Variants in CPN1 observed in about 807,000 individuals in gnomAD.
CPN1 encodes the protein carboxypeptidase N catalytic chain.
A neutral mutation model predicts 46.4 loss-of-function variants in CPN1; 37 were observed. The ratio of observed to expected loss-of-function variants is 0.80; its 90% CI spans 0.61 to 1.05. The LOEUF (loss-of-function observed/expected upper bound fraction) is 1.05, where lower values mean the gene tolerates loss of function less well. Among genes scored for constraint, CPN1 ranks in the 50% least tolerant of loss-of-function variants. CPN1 has a pLI of 0.00. For missense variants in CPN1, 563 were observed against 602.6 expected (o/e 0.93, Z 0.69); for synonymous variants, 224 against 235.4 (o/e 0.95, Z 0.44).
intron 2 of CPN1, among the ~76,000 whole-genome samples, chr10:100,074,708 C>T (rs942101737): frequency 5.3e-5 from 8 of 152,074 alleles, no homozygotes; most frequent in Non-Finnish European, 1.2e-4. Context: ...TGAGCCACCA[C>T]GCCCGGCCGA....
intron 6 of CPN1, 139 bp from the exon 7 acceptor site, chr10:100,054,585 CTT>C (rs2041374452): frequency 8.5e-6 from 6 of 705,872 alleles, no homozygotes; most frequent in Non-Finnish European, 1.5e-5. Context: ...TAACTGGTCT[CTT>C]TGCCTCTCTC....
At chr10:100,076,140 G>A in intron 1 of CPN1, 33 bp from the exon 2 acceptor site, 1 of 1,608,734 alleles carries the variant, frequency 6.2e-7, no homozygotes, top group Non-Finnish European at 8.5e-7. Context: ...GGGAAGCTTG[G>A]AAGTGTCATT....
Position 100,069,930 on chromosome 10 carries a change from T to A in CPN1, c.421-61A>T, listed in dbSNP as rs2041475151. On this transcript the variant is annotated intron_variant, in intron 2 of 8. Coordinates refer to ENST00000370418, the MANE Select transcript of CPN1 (RefSeq NM_001308.3). ...CAGATTGAATACTATATTTTCTAAC[T>A]TTTTTTTTTGGAGACAGGTTCTCAC... 7.1e-6 allele frequency: 9 copies of A among 1,275,192 alleles called. No homozygotes were observed. In the East Asian group the frequency reaches 2.2e-4, roughly 31 times the overall value. 79.0% of individuals were successfully genotyped at this position (1,275,192 alleles called of 1,614,324 possible).
At chr10:100,056,987 A>G (rs765295804) in intron 6 of CPN1, 26 bp downstream of exon 6, 24 of 1,613,934 alleles carry the variant, frequency 1.5e-5, no homozygotes, top group Non-Finnish European at 4.2e-6. Context: ...TTTTGCAAAC[A>G]TGAGAGTTAA....
At position 100,081,523 on chromosome 10, in the gene CPN1, G is replaced by T. The variant is rs746438789; in HGVS notation, c.103C>A (p.Leu35Met). Residue 35 changes from leucine to methionine, a missense_variant, in exon 1 of 9, where the codon CTG becomes ATG. Coordinates refer to ENST00000370418, the MANE Select transcript of CPN1 (RefSeq NM_001308.3). ...GGGCATTCGTTTTGCACCTTGTACA[G>T]CGTCCGCACAAGATCATCATAGCGG... ...HHRYDDLVRT[L>M]YKVQNECPGI... 6.2e-7 allele frequency: 1 copy of T among 1,614,092 alleles called. No homozygotes were observed. Among genetic ancestry groups the T allele is most frequent in the Non-Finnish European group, 8.5e-7 (1 of 1,180,058 alleles).
At chr10:100,049,987 G>A (rs2041340283) in intron 7 of CPN1, among the ~76,000 whole-genome samples, 1 of 152,184 alleles carries the variant, frequency 6.6e-6, no homozygotes, top group Non-Finnish European at 1.5e-5. Context: ...AAGAAATGAT[G>A]TCTATCTAAA....
At position 100,065,936 on chromosome 10, in the gene CPN1, A is replaced by T. The variant is rs1165899955; in HGVS notation, c.577-566T>A. 2.0e-5 allele frequency among the ~76,000 whole-genome samples: 3 copies of T among 151,220 alleles called. No individual in the cohort carries two copies. In the East Asian group the frequency reaches 5.8e-4, roughly 29 times the overall value. ...ATAAAGTCTGTTGAGAGAGAAAGGG[A>T]GAGAGAGAGAGAAGTTTTTTTTTTT... On this transcript the variant is annotated intron_variant, in intron 3 of 8. Coordinates refer to ENST00000370418, the MANE Select transcript of CPN1 (RefSeq NM_001308.3).
chr10:100,072,183 GTT>G (rs2041489633), intron 2 of CPN1, among the ~76,000 whole-genome samples: 1 of 152,006 alleles, frequency 6.6e-6, no homozygotes. Context: ...GTTTGTTTTT[GTT>G]TTTGTTTTGA....
Position 100,057,142 on chromosome 10 carries a change from G to C in CPN1, c.882C>G (p.Asp294Glu). The stretch of plus-strand genomic sequence containing the variant: ...AGCAGTTGGTATGGAGATAATTAAA[G>C]TCTTGCATTCCTAAGGGAAAGAGGG... The part of the protein sequence containing the change: ...SWYSLSKGMQ[D>E]FNYLHTNCFE... The change falls in exon 6 of 9, where the codon GAC becomes GAG. Residue 294 changes from aspartate to glutamate, a missense_variant. By Grantham distance (45) the Asp-to-Glu change is conservative. Transcript: ENST00000370418. The C allele has an allele frequency of 6.2e-7, 1 of 1,614,102 alleles. No homozygotes were observed. The highest frequency in any genetic ancestry group is 8.5e-7 in the Non-Finnish European group (1 of 1,180,000).
intron 8 of CPN1, among the ~76,000 whole-genome samples, chr10:100,048,266 G>C (rs973180000): frequency 6.6e-6 from 1 of 152,162 alleles, no homozygotes; most frequent in Non-Finnish European, 1.5e-5. Context: ...TTAGACAGAA[G>C]AGGAAAAGCC....
At chr10:100,072,468 A>C (rs993711331) in intron 2 of CPN1, among the ~76,000 whole-genome samples, 11 of 152,196 alleles carry the variant, frequency 7.2e-5, no homozygotes, top group Non-Finnish European at 1.5e-4. Context: ...CTACGGCCTT[A>C]TGTTTAACTT....
At chr10:100,052,979 A>G (rs2041364365) in intron 7 of CPN1, among the ~76,000 whole-genome samples, 1 of 152,182 alleles carries the variant, frequency 6.6e-6, no homozygotes, top group African/African-American at 2.4e-5. Flanking sequence ...GAATCTAGCA[A>G]GCCCTGAAGA....
Position 100,059,100 on chromosome 10 carries a change from G to A in CPN1, c.872-1948C>T, listed in dbSNP as rs118097950. Among the ~76,000 whole-genome samples, 19 of 151,990 alleles carry A rather than the reference G, an allele frequency of 1.3e-4. No homozygotes were observed. In the East Asian group the frequency reaches 3.5e-3, roughly 28 times the overall value. Reference sequence around the variant, plus strand: ...ATAAAACTCTTAGAAGAATATATAGGGCAAAAGCTTCATGACATTGGATTT... The same window carrying A: ...ATAAAACTCTTAGAAGAATATATAGAGCAAAAGCTTCATGACATTGGATTT... On this transcript the variant is annotated intron_variant, in intron 5 of 8. Coordinates refer to ENST00000370418, the MANE Select transcript of CPN1 (RefSeq NM_001308.3).
At position 100,055,354 on chromosome 10, in the gene CPN1, C is replaced by T. The variant is rs939204554; in HGVS notation, c.1012-908G>A. 1.6e-4 allele frequency among the ~76,000 whole-genome samples: 24 copies of T among 151,794 alleles called. No individual in the cohort carries two copies. The East Asian group carries it at 3.5e-3, about 22-fold the overall frequency. On this transcript the variant is annotated intron_variant, in intron 6 of 8. Transcript: ENST00000370418. ...TAAACAATGATTCTCCATTATCCCC[C>T]CCCCCAGCCCCTGGCAACCACCATT...
At chr10:100,065,164 G>A (rs1440230261) in intron 4 of CPN1, 24 bp downstream of exon 4, 2 of 1,603,486 alleles carry the variant, frequency 1.2e-6, no homozygotes, top group Non-Finnish European at 8.5e-7. Flanking sequence ...TTCCCCTGGC[G>A]GGACAAGCTG....
Position 100,068,022 on chromosome 10 carries a change from C to T in CPN1, c.576+1692G>A, listed in dbSNP as rs941852615. ...CAAAAATTGGCCAGGGGTGGTGGCA[C>T]GTGCCTGTAATCCCAGCTACTCAGG... On this transcript the variant is annotated intron_variant, in intron 3 of 8. Transcript: ENST00000370418. Among the ~76,000 whole-genome samples the T allele has an allele frequency of 3.3e-5, 5 of 151,442 alleles. No homozygotes were observed. The East Asian group carries it at 9.9e-4, about 30-fold the overall frequency.
At chr10:100,043,000 G>T (rs891085732) in intron 8 of CPN1, among the ~76,000 whole-genome samples, 1 of 151,074 alleles carries the variant, frequency 6.6e-6, no homozygotes, top group African/African-American at 2.4e-5. Context: ...AGGCTGAGGC[G>T]GTAGAATTGC....
At chr10:100,045,868 G>T (rs564171520) in intron 8 of CPN1, among the ~76,000 whole-genome samples, 5 of 152,286 alleles carry the variant, frequency 3.3e-5, no homozygotes, top group Non-Finnish European at 7.4e-5. Flanking sequence ...TGGTGGGAGG[G>T]TCTACTAAGG....
chr10:100,050,831 T>C (rs2041347650), intron 7 of CPN1, among the ~76,000 whole-genome samples: 2 of 152,208 alleles, frequency 1.3e-5, no homozygotes, highest in Admixed American at 6.5e-5. Context: ...GAGGTCTTGC[T>C]ATGTTGACCA....
Sources: allele counts gnomAD v4.1 joint callset (sites outside exome capture counted in the v4.1 genomes callset), GRCh38; gene constraint gnomAD v4.1.1; transcripts MANE v1.5; gene names NCBI Gene and HGNC (gene_info 2026-07-23, HGNC 2026-07-21).